The following IQCM variants were observed in gnomAD, a reference collection of about 807,000 sequenced individuals.
IQCM encodes the protein IQ motif containing M.
IQCM carries 45 observed loss-of-function variants against 57.6 expected under a neutral mutation model. The observed-to-expected ratio is 0.78, with a 90% confidence interval of 0.62 to 1.00. IQCM has a LOEUF of 1.00. Among genes scored for constraint, IQCM ranks in the 50% least tolerant of loss-of-function variants. IQCM has a pLI of 0.00. For synonymous variants in IQCM, 148 were observed against 158.9 expected, an observed-to-expected ratio of 0.93 and a Z score of 0.51; for missense variants, 468 against 511.6, an observed-to-expected ratio of 0.91 and a Z score of 0.82.
At chr4:149,687,487 T>C (rs1473508991) in intron 5 of IQCM, among the ~76,000 whole-genome samples, 2 of 151,626 alleles carry the variant, frequency 1.3e-5, no homozygotes, top group Non-Finnish European at 3.0e-5. Context: ...TTGCATAGCA[T>C]TTTGTATTAT....
At chr4:149,710,237 A>G (rs1338482538) in intron 5 of IQCM, among the ~76,000 whole-genome samples, 1 of 152,134 alleles carries the variant, frequency 6.6e-6, no homozygotes, top group Non-Finnish European at 1.5e-5. Flanking sequence ...TAAATAAGGC[A>G]AAAGCACTGT....
At chr4:149,549,002 A>G (rs1453046691) in intron 11 of IQCM, among the ~76,000 whole-genome samples, 2 of 152,164 alleles carry the variant, frequency 1.3e-5, no homozygotes, top group Admixed American at 6.5e-5. Context: ...TAACTACTTA[A>G]AAATTGGTAA....
At chr4:149,677,700 C>A (rs569073457) in intron 7 of IQCM, among the ~76,000 whole-genome samples, 1 of 151,914 alleles carries the variant, frequency 6.6e-6, no homozygotes, top group Non-Finnish European at 1.5e-5. Flanking sequence ...TAGCAACTGA[C>A]CCTAATGAAA....
intron 3 of IQCM, among the ~76,000 whole-genome samples, chr4:149,736,636 T>C (rs1048548645): frequency 6.6e-6 from 1 of 152,146 alleles, no homozygotes. Flanking sequence ...AAAACTATAA[T>C]GAGATACCAC....
chr4:149,428,644 G>A lies in IQCM; in HGVS notation c.1390+4752C>T, dbSNP rs556557890. The stretch of plus-strand genomic sequence containing the variant: ...ACCAAAAATCAGCCTTGACTGTCAA[G>A]GATGATTATCTAAATTGCTGGAATC... On this transcript the variant is annotated intron_variant, in intron 13 of 13. Coordinates refer to ENST00000636793, the MANE Select transcript of IQCM (RefSeq NM_001363507.2). 2.0e-5 allele frequency among the ~76,000 whole-genome samples: 3 copies of A among 151,812 alleles called. No homozygotes were observed. In the South Asian group the frequency reaches 6.2e-4, roughly 31 times the overall value.
chr4:149,432,325 C>G (rs935980465), intron 13 of IQCM, among the ~76,000 whole-genome samples: 1 of 151,932 alleles, frequency 6.6e-6, no homozygotes, highest in Non-Finnish European at 1.5e-5. Flanking sequence ...ATCATCTTTT[C>G]ATGTGCTCAT....
At chr4:149,458,504 A>G (rs1459920407) in intron 12 of IQCM, among the ~76,000 whole-genome samples, 2 of 152,044 alleles carry the variant, frequency 1.3e-5, no homozygotes, top group East Asian at 3.9e-4. Context: ...TAATCCTCTT[A>G]GTGTTTTTTG....
chr4:149,645,049 G>A lies in IQCM; in HGVS notation c.566-23805C>T, dbSNP rs537551336. ...CATATTCTTAATCACTGATGAGTTCGAGCATCTTTCTATAAGTTTATAAAG... is the reference window on the plus strand; with the variant it reads ...CATATTCTTAATCACTGATGAGTTCAAGCATCTTTCTATAAGTTTATAAAG... On this transcript the variant is annotated intron_variant, in intron 7 of 13. Transcript: ENST00000636793. 1.8e-4 allele frequency among the ~76,000 whole-genome samples: 28 copies of A among 152,196 alleles called. No homozygotes were observed. The East Asian group carries it at 2.5e-3, about 14-fold the overall frequency.
chr4:149,625,522 C>T (rs959435006), intron 7 of IQCM, among the ~76,000 whole-genome samples: 3 of 152,172 alleles, frequency 2.0e-5, no homozygotes, highest in African/African-American at 7.2e-5. Context: ...GGGAGAACTG[C>T]ATTTTTTATG....
At chr4:149,586,020 T>C (rs1313947005) in intron 9 of IQCM, among the ~76,000 whole-genome samples, 2 of 151,664 alleles carry the variant, frequency 1.3e-5, no homozygotes, top group Non-Finnish European at 3.0e-5. Context: ...GAAATAACTA[T>C]AATAAACATT....
At position 149,779,809 on chromosome 4, in the gene IQCM, C is replaced by A. The variant is rs570429149; in HGVS notation, c.-49+35502G>T. Among the ~76,000 whole-genome samples the A allele has an allele frequency of 3.9e-5, 6 of 152,120 alleles. No homozygotes were observed. In the South Asian group the frequency reaches 1.2e-3, roughly 32 times the overall value. On this transcript the variant is annotated intron_variant, in intron 2 of 13. Transcript: ENST00000636793. The stretch of plus-strand genomic sequence containing the variant: ...TGACAACTTTATGCCAACTTTCAAA[C>A]CCTGAATTGGCACTGGCTACCAGGC...
chr4:149,372,308 C>G (rs1037914519), intron 13 of IQCM, among the ~76,000 whole-genome samples: 7 of 152,058 alleles, frequency 4.6e-5, no homozygotes, highest in Non-Finnish European at 7.4e-5. Flanking sequence ...TGTTTATGAA[C>G]TCATAGACTG....
chr4:149,490,402 C>A (rs757913576), intron 12 of IQCM, among the ~76,000 whole-genome samples: 2 of 151,918 alleles, frequency 1.3e-5, no homozygotes, highest in Non-Finnish European at 2.9e-5. Flanking sequence ...TCTTGTATCT[C>A]AAATATAGTT....
intron 13 of IQCM, among the ~76,000 whole-genome samples, chr4:149,362,019 C>T (rs1378463754): frequency 6.6e-6 from 1 of 152,110 alleles, no homozygotes; most frequent in Non-Finnish European, 1.5e-5. Flanking sequence ...TCTTGCATCA[C>T]CATGACCTGG....
chr4:149,487,079 C>T (rs779054272), intron 12 of IQCM, among the ~76,000 whole-genome samples: 8 of 152,178 alleles, frequency 5.3e-5, no homozygotes, highest in African/African-American at 7.2e-5. Context: ...GAGTCCAAGG[C>T]TCACAGTGTA....
At chr4:149,621,556 T>A (rs1441535153) in intron 7 of IQCM, among the ~76,000 whole-genome samples, 2 of 152,164 alleles carry the variant, frequency 1.3e-5, no homozygotes, top group Non-Finnish European at 2.9e-5. Context: ...TCTTTTTTTT[T>A]AAAGGAGGCT....
chr4:149,730,750 A>C (rs1229328971), intron 5 of IQCM, among the ~76,000 whole-genome samples: 1 of 152,174 alleles, frequency 6.6e-6, no homozygotes. Context: ...AAAGCAGTAG[A>C]GTTACTTTCT....
intron 12 of IQCM, among the ~76,000 whole-genome samples, chr4:149,474,995 A>G (rs72726103): frequency 2.0e-5 from 3 of 152,274 alleles, no homozygotes; most frequent in Non-Finnish European, 4.4e-5. Context: ...CAGCCATTGA[A>G]AAGGTTTGAT....
chr4:149,402,804 C>G (rs1228771844), intron 13 of IQCM, among the ~76,000 whole-genome samples: 1 of 151,684 alleles, frequency 6.6e-6, no homozygotes, highest in Non-Finnish European at 1.5e-5. Flanking sequence ...TGGTGCTTCA[C>G]AAATTGCAAA....
Sources: allele counts gnomAD v4.1 joint callset (sites outside exome capture counted in the v4.1 genomes callset), GRCh38; gene constraint gnomAD v4.1.1; transcripts MANE v1.5; gene names NCBI Gene and HGNC (gene_info 2026-07-23, HGNC 2026-07-21).